Variants in ERBB4 observed in about 807,000 individuals in gnomAD.
ERBB4 encodes receptor tyrosine-protein kinase erbB-4.
In ERBB4, 42 loss-of-function variants were observed where a neutral mutation model predicts 158.0. The ratio of observed to expected loss-of-function variants is 0.27; its 90% confidence interval spans 0.21 to 0.34. The LOEUF is 0.34. Ranked by LOEUF, ERBB4 falls within the 10% of genes least tolerant of loss-of-function variation. The pLI is 1.00. For synonymous variants in ERBB4, 583 were observed against 558.7 expected (o/e 1.04, Z -0.61); for missense variants, 1,333 against 1,624.1 (o/e 0.82, Z 3.08).
intron 5 of ERBB4, among the ~76,000 whole-genome samples, chr2:211,726,657 A>G (rs1470304130): frequency 6.6e-6 from 1 of 152,162 alleles, no homozygotes; most frequent in Admixed American, 6.6e-5. Context: ...TTTATTCAAA[A>G]GCCTATCTCT....
At chr2:212,124,406 G>A (rs1275091496) in intron 2 of ERBB4, among the ~76,000 whole-genome samples, 1 of 152,044 alleles carries the variant, frequency 6.6e-6, no homozygotes, top group Non-Finnish European at 1.5e-5. Context: ...AAATGGAGAC[G>A]ACTGGCTAGA....
chr2:211,797,374 A>G (rs116192527), intron 3 of ERBB4, among the ~76,000 whole-genome samples: 2 of 151,900 alleles, frequency 1.3e-5, no homozygotes, highest in Non-Finnish European at 2.9e-5. Flanking sequence ...CTCACCCACT[A>G]TATTAGTTTG....
chr2:212,430,379 GCTTT>G (rs573780208), intron 1 of ERBB4, among the ~76,000 whole-genome samples: 115 of 151,426 alleles, frequency 7.6e-4, no homozygotes, highest in Non-Finnish European at 1.4e-3. Flanking sequence ...ATGAAAAATT[GCTTT>G]CTATCTACAG....
At chr2:211,686,493 A>G (rs971724514) in intron 12 of ERBB4, among the ~76,000 whole-genome samples, 1 of 151,410 alleles carries the variant, frequency 6.6e-6, no homozygotes, top group Non-Finnish European at 1.5e-5. Context: ...GCTGACTGCT[A>G]TTTGCTACTA....
chr2:211,679,312 T>A, intron 12 of ERBB4, 128 bp from the exon 13 acceptor site: 1 of 980,228 alleles, frequency 1.0e-6, no homozygotes, highest in Non-Finnish European at 1.6e-6. Context: ...TTTGGTGGCC[T>A]ATCCCATCGT....
chr2:212,239,915 A>T (rs2106009861), intron 1 of ERBB4, among the ~76,000 whole-genome samples: 1 of 152,366 alleles, frequency 6.6e-6, no homozygotes, highest in African/African-American at 2.4e-5. Context: ...ATTGTTATAC[A>T]TTAAGAGGCA....
chr2:212,243,355 TGA>T (rs2084186585), intron 1 of ERBB4, among the ~76,000 whole-genome samples: 1 of 152,084 alleles, frequency 6.6e-6, no homozygotes, highest in Non-Finnish European at 1.5e-5. Context: ...AGCAGAAGGG[TGA>T]GAGTAATTCT....
chr2:211,556,651 C>T lies in ERBB4; in HGVS notation c.2487+5252G>A, dbSNP rs182867301. Among the ~76,000 whole-genome samples, 751 of 152,026 alleles carry T rather than the reference C, an allele frequency of 4.9e-3. 12 individuals are homozygous for T. Among genetic ancestry groups the T allele is most frequent in the African/African-American group, 0.017 (722 of 41,466 alleles). ...TTGCACATAAATACTCCTCAGCAAA[C>T]GCAAAGGAACTGAAACCATAACAAA... is the stretch of plus-strand genomic sequence containing the variant. On this transcript the variant is annotated intron_variant, in intron 20 of 27. Coordinates refer to ENST00000342788, the MANE Select transcript of ERBB4 (RefSeq NM_005235.3).
chr2:211,845,746 G>A (rs1436566963), intron 3 of ERBB4, among the ~76,000 whole-genome samples: 2 of 152,140 alleles, frequency 1.3e-5, no homozygotes, highest in African/African-American at 4.8e-5. Context: ...TTTAAAAGTT[G>A]AATGTTGTGC....
Position 211,669,253 on chromosome 2 carries a change from G to GCAAA in ERBB4, c.1717-3780_1717-3777dup, listed in dbSNP as rs1491315746. On this transcript the variant is annotated intron_variant, in intron 14 of 27. Coordinates refer to ENST00000342788, the MANE Select transcript of ERBB4 (RefSeq NM_005235.3). ...AAAAAAAAAAAGAAAAAAGAAAAAAGCAAAAAACAACTATGTACTTTACAT... is the reference window on the plus strand; with the variant it reads ...AAAAAAAAAAAGAAAAAAGAAAAAAGCAAACAAAAAACAACTATGTACTTTACAT... Among the ~76,000 whole-genome samples the GCAAA allele has an allele frequency of 1.0e-4, 13 of 126,248 alleles. No individual in the cohort carries two copies. The South Asian group carries it at 1.0e-3, about 10-fold the overall frequency. The allele number at this position is 126,248 out of a possible 152,430, so 82.8% of individuals were successfully genotyped here.
intron 1 of ERBB4, among the ~76,000 whole-genome samples, chr2:212,419,240 C>G (rs2091734614): frequency 6.6e-6 from 1 of 151,790 alleles, no homozygotes; most frequent in South Asian, 2.1e-4. Context: ...ATGTGGTTTT[C>G]AAGTCAATCT....
At chr2:211,611,684 C>A (rs2069205705) in intron 19 of ERBB4, among the ~76,000 whole-genome samples, 1 of 152,094 alleles carries the variant, frequency 6.6e-6, no homozygotes, top group Non-Finnish European at 1.5e-5. Flanking sequence ...TGTATTCTCA[C>A]TCTTACTGAA....
At chr2:211,709,734 G>A (rs1025452319) in intron 9 of ERBB4, among the ~76,000 whole-genome samples, 2 of 152,106 alleles carry the variant, frequency 1.3e-5, no homozygotes, top group African/African-American at 4.8e-5. Context: ...CAAACTTCAT[G>A]CTTGGTCATA....
intron 1 of ERBB4, among the ~76,000 whole-genome samples, chr2:212,185,159 T>C (rs2081983045): frequency 2.0e-5 from 3 of 152,044 alleles, no homozygotes; most frequent in South Asian, 4.1e-4. Flanking sequence ...TATCTGGGAT[T>C]ACAGGTGCAC....
At chr2:211,850,760 T>C (rs181760967) in intron 3 of ERBB4, among the ~76,000 whole-genome samples, 4 of 152,016 alleles carry the variant, frequency 2.6e-5, no homozygotes, top group East Asian at 3.9e-4. Context: ...GGCCAGATCA[T>C]GGCTTAGTCA....
At chr2:212,429,740 ACC>A (rs200632626) in intron 1 of ERBB4, among the ~76,000 whole-genome samples, 10,799 of 152,188 alleles carry the variant, frequency 0.071, 439 homozygotes, top group Non-Finnish European at 0.091. Flanking sequence ...TTAGATTCAA[ACC>A]TGTCTAGGTC....
At chr2:212,176,085 A>G (rs1370804026) in intron 1 of ERBB4, among the ~76,000 whole-genome samples, 1 of 152,016 alleles carries the variant, frequency 6.6e-6, no homozygotes, top group African/African-American at 2.4e-5. Flanking sequence ...CTAAGTTTAG[A>G]GTACAAACTC....
chr2:212,184,124 C>T (rs995335806), intron 1 of ERBB4, among the ~76,000 whole-genome samples: 2 of 151,976 alleles, frequency 1.3e-5, no homozygotes, highest in African/African-American at 4.8e-5. Flanking sequence ...ACATTTTATG[C>T]GTCACAGAGT....
At chr2:211,927,132 G>T (rs1460049292) in intron 3 of ERBB4, among the ~76,000 whole-genome samples, 1 of 152,112 alleles carries the variant, frequency 6.6e-6, no homozygotes, top group African/African-American at 2.4e-5. Context: ...GATTGTAAAT[G>T]ACTATACAAA....
Sources: gnomAD v4.1 joint callset for allele counts (sites outside exome capture counted in the v4.1 genomes callset) on GRCh38, gnomAD v4.1.1 for gene constraint, MANE v1.5 for transcripts, NCBI Gene and HGNC (gene_info 2026-07-23, HGNC 2026-07-21) for gene names.